Variants in SLC25A14 observed in about 807,000 individuals in gnomAD.
SLC25A14 encodes brain mitochondrial carrier protein 1.
A neutral mutation model predicts 28.1 loss-of-function variants in SLC25A14; 8 were observed. The observed-to-expected ratio is 0.28, with a 90% CI of 0.17 to 0.51. The LOEUF is 0.51. SLC25A14 is among the 20% of genes least tolerant of loss of function. SLC25A14 has a pLI of 0.97. For synonymous variants in SLC25A14, 74 were observed against 90.6 expected, an observed-to-expected ratio of 0.82 and a Z score of 1.04; for missense variants, 135 against 263.8, an observed-to-expected ratio of 0.51 and a Z score of 3.38.
At chrX:130,358,759 A>G in intron 7 of SLC25A14, 24 bp downstream of exon 7, 1 of 1,000,301 alleles carries the variant, frequency 1.0e-6, no homozygotes, top group Admixed American at 2.4e-5. Context: ...TCCTGCTATT[A>G]TCCTACACTC....
intron 7 of SLC25A14, among the ~76,000 whole-genome samples, chrX:130,359,538 C>T (rs1282491891): frequency 1.8e-5 from 2 of 109,791 alleles, no homozygotes; most frequent in Non-Finnish European, 3.8e-5. Flanking sequence ...TATTATCTTT[C>T]AGTCTTCTAT....
chrX:130,365,259 CTA>C (rs1363909660), intron 8 of SLC25A14: 7 of 864,753 alleles, frequency 8.1e-6, no homozygotes, highest in Non-Finnish European at 9.8e-6. Context: ...ATTTATGTAA[CTA>C]ATACATGGTG....
intron 4 of SLC25A14, among the ~76,000 whole-genome samples, chrX:130,347,551 C>T (rs147256279): frequency 0.034 from 3,823 of 111,477 alleles, 164 homozygotes; most frequent in African/African-American, 0.12. Flanking sequence ...GGAAGAATCC[C>T]AAAGGAGGTA....
chrX:130,357,887 A>T lies in SLC25A14; in HGVS notation c.499-753A>T, dbSNP rs747345937. 3.6e-5 allele frequency among the ~76,000 whole-genome samples: 4 copies of T among 112,286 alleles called. No homozygotes were observed. In the East Asian group the frequency reaches 8.3e-4, roughly 23 times the overall value. On this transcript the variant is annotated intron_variant, in intron 6 of 10. Coordinates refer to ENST00000545805, the MANE Select transcript of SLC25A14 (RefSeq NM_001282195.2). ...ATAATATTATGCTTTTTATAAATAG[A>T]ACTCAACTTAAGGTCTCATAAACAT... is the stretch of plus-strand genomic sequence containing the variant.
rs2034303238 is a variant in SLC25A14 at position 130,373,018 on chromosome X, A to G, written c.*68A>G. 1.2e-6 allele frequency: 1 copy of G among 852,663 alleles called. No individual in the cohort carries two copies. The highest frequency in any genetic ancestry group is 1.7e-6 in the Non-Finnish European group (1 of 586,506). The allele number at this position is 852,663 out of a possible 1,213,427, so 70.3% of individuals were successfully genotyped here. On this transcript the variant is annotated 3_prime_UTR_variant, in exon 11 of 11. Coordinates refer to ENST00000545805, the MANE Select transcript of SLC25A14 (RefSeq NM_001282195.2). ...TCCTTTGCCCTTTTCCCGTGTTCTA[A>G]TGTATTTTGACAATGTTGTAAGTGT...
chrX:130,359,495 G>A (rs1337643528), intron 7 of SLC25A14, among the ~76,000 whole-genome samples: 3 of 109,258 alleles, frequency 2.7e-5, no homozygotes, highest in Non-Finnish European at 5.7e-5. Context: ...TAGTCCCACT[G>A]CCTAGAGATA....
At chrX:130,365,345 G>A in intron 8 of SLC25A14, 196 bp from the exon 9 acceptor site, 1 of 995,767 alleles carries the variant, frequency 1.0e-6, no homozygotes, top group Non-Finnish European at 1.3e-6. Context: ...GTTTCAGATT[G>A]AAAATTGAAG....
At chrX:130,357,354 T>C (rs1045852379) in intron 6 of SLC25A14, among the ~76,000 whole-genome samples, 2 of 111,867 alleles carry the variant, frequency 1.8e-5, no homozygotes, top group African/African-American at 6.5e-5. Context: ...TTTTTGTGGA[T>C]TAATTTTGGT....
At chrX:130,344,020 A>G (rs2033347116) in intron 2 of SLC25A14, among the ~76,000 whole-genome samples, 1 of 112,100 alleles carries the variant, frequency 8.9e-6, no homozygotes, top group Non-Finnish European at 1.9e-5. Context: ...CCTCACCATA[A>G]ACCACTTGGA....
At chrX:130,364,211 A>G (rs1268723621) in intron 7 of SLC25A14, among the ~76,000 whole-genome samples, 1 of 111,910 alleles carries the variant, frequency 8.9e-6, no homozygotes, top group African/African-American at 3.2e-5. Flanking sequence ...TGGCCATTTT[A>G]AAATTGGATT....
intron 9 of SLC25A14, among the ~76,000 whole-genome samples, chrX:130,369,540 G>A (rs2034213824): frequency 1.8e-5 from 2 of 112,054 alleles, no homozygotes; most frequent in African/African-American, 3.2e-5. Flanking sequence ...GAAAATAACA[G>A]CATATTGCAA....
chrX:130,368,774 C>T lies in SLC25A14; in HGVS notation c.856-2790C>T, dbSNP rs776334036. ...CAGAGTAGCTAAGTAATAACTTACACAAGATTACACAGCTAATAAGAGGCA... is the reference window on the plus strand; with the variant it reads ...CAGAGTAGCTAAGTAATAACTTACATAAGATTACACAGCTAATAAGAGGCA... On this transcript the variant is annotated intron_variant, in intron 9 of 10. Coordinates refer to ENST00000545805, the MANE Select transcript of SLC25A14 (RefSeq NM_001282195.2). Among the ~76,000 whole-genome samples the T allele has an allele frequency of 2.7e-5, 3 of 111,922 alleles. No homozygotes were observed. The East Asian group carries it at 8.4e-4, about 31-fold the overall frequency.
At chrX:130,352,377 A>G (rs1377952097) in intron 6 of SLC25A14, among the ~76,000 whole-genome samples, 3 of 112,182 alleles carry the variant, frequency 2.7e-5, no homozygotes, top group Non-Finnish European at 5.6e-5. Context: ...TGTGATGAAC[A>G]TAGGAGTGTA....
At chrX:130,366,459 C>A (rs1364325957) in intron 9 of SLC25A14, among the ~76,000 whole-genome samples, 1 of 111,717 alleles carries the variant, frequency 9.0e-6, no homozygotes, top group African/African-American at 3.3e-5. Flanking sequence ...TATGTGTATT[C>A]GTTCATTGAA....
intron 7 of SLC25A14, among the ~76,000 whole-genome samples, chrX:130,361,987 G>A (rs5977245): frequency 0.044 from 4,911 of 110,778 alleles, 280 homozygotes; most frequent in African/African-American, 0.15. Flanking sequence ...TTCTGTGAAG[G>A]GTACCCTCTT....
At chrX:130,366,569 C>G (rs980120486) in intron 9 of SLC25A14, among the ~76,000 whole-genome samples, 5 of 112,349 alleles carry the variant, frequency 4.5e-5, no homozygotes, top group Admixed American at 9.4e-5. Flanking sequence ...GGAATTTAAA[C>G]TCAGATCACT....
At chrX:130,365,273 A>G (rs1569455763) in intron 8 of SLC25A14, 2 of 911,202 alleles carry the variant, frequency 2.2e-6, no homozygotes, top group Non-Finnish European at 2.7e-6. Flanking sequence ...TACATGGTGC[A>G]TGATACTTTC....
At chrX:130,354,985 A>T (rs1320175784) in intron 6 of SLC25A14, among the ~76,000 whole-genome samples, 1 of 112,389 alleles carries the variant, frequency 8.9e-6, no homozygotes, top group Non-Finnish European at 1.9e-5. Flanking sequence ...GTCAGGAAAA[A>T]TTTTAAAGTT....
chrX:130,355,054 T>A (rs1424897223), intron 6 of SLC25A14, among the ~76,000 whole-genome samples: 1 of 112,508 alleles, frequency 8.9e-6, no homozygotes, highest in East Asian at 2.8e-4. Context: ...AACCAAATGA[T>A]AACAAACTTA....
Sources: allele counts gnomAD v4.1 joint callset (sites outside exome capture counted in the v4.1 genomes callset), GRCh38; gene constraint gnomAD v4.1.1; transcripts MANE v1.5; gene names NCBI Gene and HGNC (gene_info 2026-07-23, HGNC 2026-07-21).